BMPR2: variants seen among roughly 807,000 people sequenced by gnomAD.
BMPR2 encodes the protein bone morphogenetic protein receptor type-2.
BMPR2 carries 29 observed loss-of-function variants against 100.8 expected under a neutral mutation model. The ratio of observed to expected loss-of-function variants is 0.29; its 90% CI spans 0.21 to 0.39. BMPR2 has a LOEUF of 0.39. Among genes scored for constraint, BMPR2 ranks in the 10% least tolerant of loss-of-function variants. The pLI, the probability that BMPR2 is intolerant of heterozygous loss-of-function variation, is 1.00. For synonymous variants in BMPR2, 382 were observed against 442.3 expected (o/e 0.86, Z 1.71); for missense variants, 1,011 against 1,274.5 (o/e 0.79, Z 3.15).
chr2:202,473,297 G>A (rs1199721546), intron 3 of BMPR2, among the ~76,000 whole-genome samples: 2 of 152,058 alleles, frequency 1.3e-5, no homozygotes, highest in African/African-American at 4.8e-5. Context: ...GCTGGGCATA[G>A]TGGCGCACAC....
At chr2:202,438,612 A>G (rs1691666094) in intron 1 of BMPR2, among the ~76,000 whole-genome samples, 1 of 150,528 alleles carries the variant, frequency 6.6e-6, no homozygotes, top group African/African-American at 2.5e-5. Flanking sequence ...TGCGTTTCTG[A>G]TCCATTTTCA....
intron 1 of BMPR2, among the ~76,000 whole-genome samples, chr2:202,452,638 G>A (rs1323281734): frequency 6.6e-6 from 1 of 152,142 alleles, no homozygotes; most frequent in African/African-American, 2.4e-5. Flanking sequence ...GGTTCTAATA[G>A]TTCTTGTTAG....
At chr2:202,480,383 C>T (rs1692635275) in intron 3 of BMPR2, among the ~76,000 whole-genome samples, 1 of 152,090 alleles carries the variant, frequency 6.6e-6, no homozygotes, top group African/African-American at 2.4e-5. Context: ...CCTGCCTCGG[C>T]CTCCCAAAGT....
intron 3 of BMPR2, chr2:202,475,271 T>G (rs1692523295): frequency 6.6e-6 from 1 of 151,814 alleles, no homozygotes; most frequent in Non-Finnish European, 1.5e-5. Flanking sequence ...TGACCTCAGG[T>G]GATCCACCTG....
rs377763312 is a variant in BMPR2, at chr2:202,556,256, C to T, written c.2591C>T (p.Pro864Leu). Residue 864 changes from proline to leucine, a missense_variant, in exon 12 of 13, where the codon CCT becomes CTT. Transcript: ENST00000374580. ...ACCCGGCTGAATATTAATTCCAGTC[C>T]TGATGAGCATGAGCCTTTACTGAGA... is the stretch of plus-strand genomic sequence containing the variant. The part of the protein sequence containing the change: ...EDTRLNINSS[P>L]DEHEPLLRRE... 28 of 1,614,032 alleles carry T rather than the reference C, an allele frequency of 1.7e-5. No homozygotes were observed. The highest frequency in any genetic ancestry group is 2.3e-5 in the Non-Finnish European group (27 of 1,180,028).
rs1690142111 is a variant in BMPR2, at chr2:202,376,450, C to T, written c.-1025C>T. Among the ~76,000 whole-genome samples, 2 of 145,364 alleles carry T rather than the reference C, an allele frequency of 1.4e-5. No individual in the cohort carries two copies. Among genetic ancestry groups the T allele is most frequent in the Admixed American group, 1.4e-4 (2 of 14,474 alleles). ...GCTACCTTCATCCGCCCTCCCGCCGCCCCCCGCCCTCGGTCCGCGACGCCC... is the reference window on the plus strand; with the variant it reads ...GCTACCTTCATCCGCCCTCCCGCCGTCCCCCGCCCTCGGTCCGCGACGCCC... On this transcript the variant is annotated 5_prime_UTR_variant, in exon 1 of 13. Coordinates refer to ENST00000374580, the MANE Select transcript of BMPR2 (RefSeq NM_001204.7).
intron 9 of BMPR2, among the ~76,000 whole-genome samples, chr2:202,535,319 CT>C (rs1466554614): frequency 6.6e-6 from 1 of 151,848 alleles, no homozygotes; most frequent in East Asian, 2.0e-4. Context: ...GGGCTCCTCA[CT>C]TCTCAGACGG....
At chr2:202,438,043 G>A (rs190914718) in intron 1 of BMPR2, among the ~76,000 whole-genome samples, 7 of 150,494 alleles carry the variant, frequency 4.7e-5, no homozygotes, top group Non-Finnish European at 8.8e-5. Context: ...GCCAGGCACA[G>A]TGGCTCATGC....
At chr2:202,463,412 G>T (rs1692259859) in intron 1 of BMPR2, among the ~76,000 whole-genome samples, 1 of 151,984 alleles carries the variant, frequency 6.6e-6, no homozygotes, top group Non-Finnish European at 1.5e-5. Flanking sequence ...TATTATTGTT[G>T]GTTAATTTCA....
At chr2:202,402,830 ATT>A (rs752558128) in intron 1 of BMPR2, among the ~76,000 whole-genome samples, 5 of 138,820 alleles carry the variant, frequency 3.6e-5, no homozygotes, top group Admixed American at 7.2e-5. Context: ...TGTGTTGCTA[ATT>A]TTTTTTTTTT....
intron 1 of BMPR2, among the ~76,000 whole-genome samples, chr2:202,456,520 T>C (rs1315141602): frequency 1.3e-5 from 2 of 150,052 alleles, no homozygotes; most frequent in East Asian, 1.9e-4. Flanking sequence ...TTTCTTTCTT[T>C]TTTTTTTTTT....
chr2:202,439,272 T>TA (rs1691681983), intron 1 of BMPR2, among the ~76,000 whole-genome samples: 1 of 150,002 alleles, frequency 6.7e-6, no homozygotes, highest in Non-Finnish European at 1.5e-5. Context: ...TGCTCATTGC[T>TA]AGTGTACAGA....
chr2:202,402,361 A>AT (rs1425336722), intron 1 of BMPR2, among the ~76,000 whole-genome samples: 1 of 151,878 alleles, frequency 6.6e-6, no homozygotes, highest in African/African-American at 2.4e-5. Flanking sequence ...TACTAAAAAT[A>AT]TAAAAAGTTA....
intron 1 of BMPR2, among the ~76,000 whole-genome samples, chr2:202,412,570 C>T (rs1466078281): frequency 2.0e-5 from 3 of 152,158 alleles, no homozygotes; most frequent in African/African-American, 7.2e-5. Context: ...CCGCCCGCCT[C>T]GGCCTCCGAA....
Position 202,378,145 on chromosome 2 carries a change from A to T in BMPR2, c.76+595A>T, listed in dbSNP as rs1393957648. Among the ~76,000 whole-genome samples the T allele has an allele frequency of 3.3e-5, 5 of 152,338 alleles. 1 individual carries two copies. The East Asian group carries it at 9.6e-4, about 29-fold the overall frequency. On this transcript the variant is annotated intron_variant, in intron 1 of 12. Coordinates refer to ENST00000374580, the MANE Select transcript of BMPR2 (RefSeq NM_001204.7). ...CGGTTTGATAACTTTACTGTTAGTC[A>T]TCTGGCATCTATCTATTGGCTTTGC...
intron 3 of BMPR2, among the ~76,000 whole-genome samples, chr2:202,494,183 T>C (rs1298087828): frequency 1.3e-5 from 2 of 152,262 alleles, no homozygotes; most frequent in Admixed American, 1.3e-4. Flanking sequence ...ATTATTTTGC[T>C]AATGAATTCA....
intron 1 of BMPR2, among the ~76,000 whole-genome samples, chr2:202,459,359 C>A (rs1447671949): frequency 6.6e-6 from 1 of 152,090 alleles, no homozygotes; most frequent in African/African-American, 2.4e-5. Flanking sequence ...CTTTTAAGTT[C>A]AGGGGTACAT....
intron 3 of BMPR2, among the ~76,000 whole-genome samples, chr2:202,481,579 T>C (rs1164405217): frequency 1.3e-5 from 2 of 152,232 alleles, no homozygotes; most frequent in Non-Finnish European, 2.9e-5. Context: ...AACTGGGATT[T>C]TGATAGGCAG....
chr2:202,489,533 A>G (rs1692854690), intron 3 of BMPR2, among the ~76,000 whole-genome samples: 1 of 152,224 alleles, frequency 6.6e-6, no homozygotes, highest in Non-Finnish European at 1.5e-5. Context: ...ATAGAAGTAG[A>G]TTTAAAGTTG....
Sources: allele counts gnomAD v4.1 joint callset (sites outside exome capture counted in the v4.1 genomes callset), GRCh38; gene constraint gnomAD v4.1.1; transcripts MANE v1.5; gene names NCBI Gene and HGNC (gene_info 2026-07-23, HGNC 2026-07-21).